Variants in XIRP2 observed in about 807,000 individuals in gnomAD.
The protein encoded by XIRP2 is xin actin binding repeat containing 2, also known as xin actin-binding repeat-containing protein 2.
In XIRP2, 236 loss-of-function variants were observed where a neutral mutation model predicts 277.0. The observed-to-expected ratio is 0.85, with a 90% CI of 0.77 to 0.95. XIRP2 has a LOEUF of 0.95. Ranked by LOEUF, XIRP2 falls within the 40% of genes least tolerant of loss-of-function variation. The pLI is 0.00. For synonymous variants in XIRP2, 1,490 were observed against 1,416.5 expected, an observed-to-expected ratio of 1.05 and a Z score of -1.17; for missense variants, 4,640 against 4,157.5, an observed-to-expected ratio of 1.12 and a Z score of -3.19.
chr2:167,082,114 G>A, intron 2 of XIRP2, among the ~76,000 whole-genome samples: 2 of 107,618 alleles, frequency 1.9e-5, no homozygotes, highest in African/African-American at 3.7e-5. Flanking sequence ...ACCCACCACA[G>A]TCCCCAGAGT....
At chr2:167,055,384 C>G (rs1574210283) in intron 2 of XIRP2, among the ~76,000 whole-genome samples, 1 of 152,114 alleles carries the variant, frequency 6.6e-6, no homozygotes, top group South Asian at 2.1e-4. Flanking sequence ...AACAGTGAAG[C>G]CTTTACATGT....
At chr2:167,071,753 T>C (rs6432968) in intron 2 of XIRP2, among the ~76,000 whole-genome samples, 44,572 of 152,102 alleles carry the variant, frequency 0.29, 8,766 homozygotes, top group African/African-American at 0.56. Flanking sequence ...TTCTGGAAGC[T>C]GGCAGACCTT....
chr2:167,108,893 A>T (rs1690676933), intron 2 of XIRP2, among the ~76,000 whole-genome samples: 1 of 151,670 alleles, frequency 6.6e-6, no homozygotes, highest in South Asian at 2.1e-4. Flanking sequence ...TTAGGTTCAG[A>T]GGTACATGCA....
intron 3 of XIRP2, among the ~76,000 whole-genome samples, chr2:167,173,269 T>C (rs1192321417): frequency 1.3e-5 from 2 of 152,004 alleles, no homozygotes; most frequent in Non-Finnish European, 2.9e-5. Context: ...CTTCCCTCCC[T>C]GACAACACCA....
intron 2 of XIRP2, among the ~76,000 whole-genome samples, chr2:167,068,123 A>G (rs1689343916): frequency 1.3e-5 from 2 of 152,138 alleles, no homozygotes; most frequent in Admixed American, 1.3e-4. Flanking sequence ...TTGAATTTGC[A>G]TATTTTCTAA....
chr2:167,060,472 T>G (rs1408646192), intron 2 of XIRP2, among the ~76,000 whole-genome samples: 1 of 152,178 alleles, frequency 6.6e-6, no homozygotes, highest in African/African-American at 2.4e-5. Flanking sequence ...TATTAGAAGT[T>G]TTATCTTTTT....
At chr2:166,912,990 C>T (rs116219968) in intron 2 of XIRP2, among the ~76,000 whole-genome samples, 3,636 of 152,236 alleles carry the variant, frequency 0.024, 55 homozygotes, top group Non-Finnish European at 0.036. Context: ...GTTACTCGGC[C>T]GTGTGAGGTG....
chr2:166,980,299 A>T (rs1574133557), intron 2 of XIRP2, among the ~76,000 whole-genome samples: 1 of 152,180 alleles, frequency 6.6e-6, no homozygotes, highest in East Asian at 1.9e-4. Context: ...TTTCTTATGG[A>T]CAGAGTAGTT....
At chr2:166,936,117 G>C (rs528495995) in intron 2 of XIRP2, among the ~76,000 whole-genome samples, 1 of 152,332 alleles carries the variant, frequency 6.6e-6, no homozygotes, top group East Asian at 1.9e-4. Context: ...ACTGGTGTGA[G>C]ATGGTTGTCT....
chr2:167,137,905 A>T (rs1040877500), intron 3 of XIRP2, among the ~76,000 whole-genome samples: 11 of 152,114 alleles, frequency 7.2e-5, no homozygotes, highest in Non-Finnish European at 1.3e-4. Flanking sequence ...TCGTTCTTTC[A>T]TGGGGCCCCA....
chr2:167,168,831 A>G (rs1384233331), intron 3 of XIRP2, among the ~76,000 whole-genome samples: 1 of 151,544 alleles, frequency 6.6e-6, no homozygotes, highest in African/African-American at 2.4e-5. Context: ...AGCCAGGATG[A>G]TCTCGATCTC....
At chr2:166,888,891 A>C (rs1022846601) in intron 1 of XIRP2, among the ~76,000 whole-genome samples, 2 of 152,206 alleles carry the variant, frequency 1.3e-5, no homozygotes, top group Non-Finnish European at 2.9e-5. Context: ...TGGACACTGA[A>C]AGATAGTCAG....
Position 167,243,474 on chromosome 2 carries a change from C to T in XIRP2, c.2082C>T (p.Tyr694=), listed in dbSNP as rs1448717824. 1 of 1,614,006 alleles carries T rather than the reference C, an allele frequency of 6.2e-7. No homozygotes were observed. The highest frequency in any genetic ancestry group is 2.2e-5 in the East Asian group (1 of 44,866). ...GGGGGGATGTCAAGACTGTGAGATA[C>T]ATGTTTGAAACTCAACATCTAGATC... The part of the protein sequence containing the change: ...ITGGDVKTVR[Y]MFETQHLDQL... The change falls in exon 9 of 11, where the codon TAC becomes TAT. Residue 694 remains tyrosine, a synonymous_variant. Transcript: ENST00000409195.
intron 2 of XIRP2, among the ~76,000 whole-genome samples, chr2:166,948,834 A>G (rs1685951189): frequency 6.6e-6 from 1 of 152,112 alleles, no homozygotes; most frequent in African/African-American, 2.4e-5. Flanking sequence ...GCTGATTCCC[A>G]GAACATTTGA....
intron 2 of XIRP2, among the ~76,000 whole-genome samples, chr2:167,095,725 A>C (rs1237711625): frequency 6.6e-6 from 1 of 151,860 alleles, no homozygotes; most frequent in Non-Finnish European, 1.5e-5. Context: ...CCAGTATCTT[A>C]TTGAGGATTT....
chr2:167,116,983 T>C (rs919162936), intron 2 of XIRP2, among the ~76,000 whole-genome samples: 9 of 152,214 alleles, frequency 5.9e-5, no homozygotes, highest in Non-Finnish European at 1.0e-4. Flanking sequence ...AACAAAAATA[T>C]ATGATTACCT....
intron 2 of XIRP2, among the ~76,000 whole-genome samples, chr2:166,943,954 A>T (rs1685788527): frequency 6.6e-6 from 1 of 152,208 alleles, no homozygotes; most frequent in Non-Finnish European, 1.5e-5. Context: ...AGGCATCCTC[A>T]CACATAAATA....
At chr2:167,011,468 G>T (rs1256172663) in intron 2 of XIRP2, among the ~76,000 whole-genome samples, 3 of 151,452 alleles carry the variant, frequency 2.0e-5, no homozygotes, top group Admixed American at 6.6e-5. Context: ...GCTGGATTCG[G>T]TTTGCCAGTA....
At position 167,248,917 on chromosome 2, in the gene XIRP2, G is replaced by C. The variant is rs1388078964; in HGVS notation, c.7525G>C (p.Ala2509Pro). 1 of 1,613,740 alleles carries C rather than the reference G, an allele frequency of 6.2e-7. No individual in the cohort carries two copies. Among genetic ancestry groups the C allele is most frequent in the Non-Finnish European group, 8.5e-7 (1 of 1,179,820 alleles). ...CLSHTVPGTS[A>P]PRKKQIAPLI... is the part of the protein sequence containing the mutation. ...CTCACACACAGTTCCAGGAACTTCA[G>C]CACCCAGGAAAAAACAGATTGCGCC... The change falls in exon 9 of 11, where the codon GCA becomes CCA. Residue 2509 changes from alanine to proline, a missense_variant. By Grantham distance (27) the Ala-to-Pro change is conservative. Coordinates refer to ENST00000409195, the MANE Select transcript of XIRP2 (RefSeq NM_152381.6).
Sources: gnomAD v4.1 joint callset for allele counts (sites outside exome capture counted in the v4.1 genomes callset) on GRCh38, gnomAD v4.1.1 for gene constraint, MANE v1.5 for transcripts, NCBI Gene and HGNC (gene_info 2026-07-23, HGNC 2026-07-21) for gene names.